Variants in MITD1 observed in about 807,000 individuals in gnomAD.
MITD1 encodes MIT domain-containing protein 1.
MITD1 carries 24 observed loss-of-function variants against 34.9 expected under a neutral mutation model. The ratio of observed to expected loss-of-function variants is 0.69; its 90% CI spans 0.50 to 0.97. MITD1 has a LOEUF of 0.97. Among genes scored for constraint, MITD1 ranks in the 50% least tolerant of loss-of-function variants. MITD1 has a pLI of 0.00. For synonymous variants in MITD1, 102 were observed against 101.4 expected, an observed-to-expected ratio of 1.01 and a Z score of -0.04; for missense variants, 266 against 294.6, an observed-to-expected ratio of 0.90 and a Z score of 0.71.
chr2:99,163,177 G>C, intron 7 of MITD1: 3 of 437,304 alleles, frequency 6.9e-6, no homozygotes, highest in Non-Finnish European at 7.2e-6. Context: ...TTTTAGTAAC[G>C]TCAAAAAAAA....
downstream of MITD1, among the ~76,000 whole-genome samples, chr2:99,166,858 AATATATAT>A (rs10584187): frequency 0.014 from 1,613 of 115,360 alleles, 17 homozygotes; most frequent in African/African-American, 0.017. Flanking sequence ...TGGGGTTTTA[AATATATAT>A]ATATATATAT....
intron 1 of MITD1, among the ~76,000 whole-genome samples, chr2:99,179,621 GGC>G (rs1483438900): frequency 6.6e-6 from 1 of 152,068 alleles, no homozygotes; most frequent in Non-Finnish European, 1.5e-5. Context: ...GGAGTGCAGT[GGC>G]GCGATCTCGG....
intron 1 of MITD1, among the ~76,000 whole-genome samples, chr2:99,180,145 C>T (rs1278616610): frequency 6.6e-6 from 1 of 152,130 alleles, no homozygotes; most frequent in Non-Finnish European, 1.5e-5. Flanking sequence ...CTTGTCTCCT[C>T]CACAACCCTG....
chr2:99,172,212 A>AC (rs1340746089), intron 2 of MITD1: 2 of 152,088 alleles, frequency 1.3e-5, no homozygotes, highest in Non-Finnish European at 2.9e-5. Flanking sequence ...ACATGGTGAA[A>AC]CCCCAGCTCT....
Position 99,173,803 on chromosome 2 carries a change from A to T in MITD1, c.253+112T>A, listed in dbSNP as rs1200547324. Reference sequence around the variant, plus strand: ...TACAGATTAAATCCTGTAAGCTCCCAGGGACAACTGGTCCAGACCACACAG... The same window carrying T: ...TACAGATTAAATCCTGTAAGCTCCCTGGGACAACTGGTCCAGACCACACAG... On this transcript the variant is annotated intron_variant, in intron 2 of 6. Transcript: ENST00000289359. The T allele has an allele frequency of 4.2e-6, 3 of 706,600 alleles. No homozygotes were observed. The East Asian group carries it at 7.9e-5, about 19-fold the overall frequency. 43.8% of individuals were successfully genotyped at this position (706,600 alleles called of 1,614,324 possible). A position where few individuals can be genotyped will look rare whatever the true frequency, so the allele number is the denominator to read the frequency against.
intron 5 of MITD1, 99 bp from the exon 6 acceptor site, chr2:99,169,709 A>G (rs2093845064): frequency 2.3e-6 from 2 of 881,328 alleles, no homozygotes; most frequent in East Asian, 2.6e-5. Flanking sequence ...CCCCCTAACA[A>G]AGCAAACCAC....
chr2:99,165,775 A>G (rs564717951), downstream of MITD1, among the ~76,000 whole-genome samples: 1 of 152,278 alleles, frequency 6.6e-6, no homozygotes, highest in African/African-American at 2.4e-5. Flanking sequence ...TGGGCACATG[A>G]CTTAAGCTGT....
chr2:99,177,821 C>T (rs1235617545), intron 1 of MITD1, among the ~76,000 whole-genome samples: 1 of 152,048 alleles, frequency 6.6e-6, no homozygotes, highest in East Asian at 1.9e-4. Context: ...TAATTTTGTA[C>T]CCTTTGACCA....
Position 99,169,485 on chromosome 2 carries a change from AAAGAGTATCATT to A in MITD1, c.655-27_655-16del. ...GAAAAACGACTCTAAGAAGAGAAGA[AAAGAGTATCATT>A]AAAAATGATACAAAAACAGTGCTAC... On this transcript the variant is annotated splice_polypyrimidine_tract_variant and intron_variant, in intron 6 of 6. Coordinates refer to ENST00000289359, the MANE Select transcript of MITD1 (RefSeq NM_138798.3). 1 of 1,607,000 alleles carries A rather than the reference AAAGAGTATCATT, an allele frequency of 6.2e-7. No homozygotes were observed. Among genetic ancestry groups the A allele is most frequent in the Non-Finnish European group, 8.5e-7 (1 of 1,174,882 alleles).
downstream of MITD1, among the ~76,000 whole-genome samples, chr2:99,164,329 C>T (rs1194883179): frequency 1.3e-5 from 2 of 151,900 alleles, no homozygotes; most frequent in Non-Finnish European, 2.9e-5. Flanking sequence ...TCTCCACTCC[C>T]TTTCTCTTCT....
exon 8 of MITD1, chr2:99,161,993 G>A (rs1196158402): frequency 1.2e-6 from 2 of 1,609,290 alleles, no homozygotes; most frequent in Non-Finnish European, 1.7e-6. Flanking sequence ...ATTGCTTCCA[G>A]TTACTTTGTA....
intron 1 of MITD1, among the ~76,000 whole-genome samples, chr2:99,175,811 C>T (rs1272109813): frequency 6.6e-6 from 1 of 152,152 alleles, no homozygotes; most frequent in Admixed American, 6.6e-5. Context: ...GAGTTATAAT[C>T]CAATACTATC....
chr2:99,162,594 A>G (rs2093804679), intron 7 of MITD1: 1 of 1,614,016 alleles, frequency 6.2e-7, no homozygotes, highest in East Asian at 2.2e-5. Context: ...TTCCTTAGTG[A>G]AAAATCTTTT....
Position 99,170,628 on chromosome 2 carries a change from T to G in MITD1, c.502A>C (p.Arg168=). The change falls in exon 5 of 7, where the codon AGA becomes CGA. Residue 168 remains arginine, a synonymous_variant. Coordinates refer to ENST00000289359, the MANE Select transcript of MITD1 (RefSeq NM_138798.3). ...GACTCTTCTATTTCTTGCAGGCCTC[T>G]ACTTTGCTGCACTTGCTCAATGCCC... ...DEGIEQVQQS[R]GLQEIEESLR... is the part of the protein sequence containing the mutation. The G allele has an allele frequency of 6.2e-7, 1 of 1,604,364 alleles. No individual in the cohort carries two copies. The highest frequency in any genetic ancestry group is 8.5e-7 in the Non-Finnish European group (1 of 1,171,868).
intron 2 of MITD1, 130 bp from the exon 3 acceptor site, chr2:99,171,776 T>C: frequency 1.2e-6 from 1 of 822,512 alleles, no homozygotes. Flanking sequence ...AAATACTTAT[T>C]GAATGCCTAC....
chr2:99,163,045 A>G (rs2093809667), intron 7 of MITD1: 1 of 1,570,304 alleles, frequency 6.4e-7, no homozygotes. Flanking sequence ...AGTAAATGGA[A>G]TATTCTCTGT....
Position 99,180,869 on chromosome 2 carries a change from TA to T in MITD1, c.112del (p.Tyr38ThrfsTer12). 1.2e-6 allele frequency: 2 copies of T among 1,614,214 alleles called. No homozygotes were observed. Among genetic ancestry groups the T allele is most frequent in the Non-Finnish European group, 1.7e-6 (2 of 1,180,032 alleles). ...ESRYPQALVC[Y>X]QEGIDLLLQV... ...CAGGAGCAGATCAATCCCCTCTTGG[TA>T]ACACACCAGAGCCTGCGGATACCGC... On this transcript the variant is annotated frameshift_variant, in exon 1 of 7. Transcript: ENST00000289359. LOFTEE classifies it high-confidence loss of function.
At chr2:99,165,014 T>G (rs1444798134), downstream of MITD1, among the ~76,000 whole-genome samples, 2 of 121,300 alleles carry the variant, frequency 1.6e-5, no homozygotes. Flanking sequence ...GGAGTCAAAA[T>G]GGCATACACA....
At chr2:99,165,159 G>C (rs2093822559), downstream of MITD1, among the ~76,000 whole-genome samples, 1 of 151,984 alleles carries the variant, frequency 6.6e-6, no homozygotes, top group Non-Finnish European at 1.5e-5. Context: ...CTGCTGCCTA[G>C]TGGGTTCAAG....
Sources: allele counts gnomAD v4.1 joint callset (sites outside exome capture counted in the v4.1 genomes callset), GRCh38; gene constraint gnomAD v4.1.1; transcripts MANE v1.5; gene names NCBI Gene and HGNC (gene_info 2026-07-23, HGNC 2026-07-21).